The following GCDH variants were observed in gnomAD, a reference collection of about 807,000 sequenced individuals.
GCDH encodes glutaryl-CoA dehydrogenase, mitochondrial.
In GCDH, 31 loss-of-function variants were observed where a neutral mutation model predicts 52.8. The ratio of observed to expected loss-of-function variants is 0.59; its 90% CI spans 0.44 to 0.79. GCDH has a LOEUF of 0.79. GCDH is among the 30% of genes least tolerant of loss of function. GCDH has a pLI of 0.00. For synonymous variants in GCDH, 242 were observed against 250.0 expected, an observed-to-expected ratio of 0.97 and a Z score of 0.30; for missense variants, 509 against 595.0, an observed-to-expected ratio of 0.86 and a Z score of 1.50.
intron 9 of GCDH, 128 bp downstream of exon 9, chr19:12,897,141 C>T (rs765530549): frequency 9.1e-5 from 108 of 1,182,290 alleles, no homozygotes; most frequent in Non-Finnish European, 1.3e-4. Context: ...TGACCAGTGA[C>T]GTCCTTCTGA....
rs1187173640 is a variant in GCDH at position 12,896,578 on chromosome 19, C to G, written c.852+157C>G. Among the ~76,000 whole-genome samples, 1 of 152,200 alleles carries G rather than the reference C, an allele frequency of 6.6e-6. No individual in the cohort carries two copies. The highest frequency in any genetic ancestry group is 2.4e-5 in the African/African-American group (1 of 41,456). ...ACTCGCTGACGTGCTGAAAACTGCC[C>G]CCATTTGGTGACCGTCTCGCTCATC... is the stretch of plus-strand genomic sequence containing the variant. On this transcript the variant is annotated intron_variant, in intron 8 of 11. Coordinates refer to ENST00000222214, the MANE Select transcript of GCDH (RefSeq NM_000159.4). The surrounding 1 kb of genome is among the most constrained non-coding windows in gnomAD (Gnocchi z 5.5).
rs776941331 is a variant in GCDH at position 12,891,373 on chromosome 19, G to T, written c.69G>T (p.Trp23Cys). The T allele has an allele frequency of 1.2e-6, 2 of 1,614,032 alleles. No individual in the cohort carries two copies. Among genetic ancestry groups the T allele is most frequent in the Non-Finnish European group, 1.7e-6 (2 of 1,180,024 alleles). The part of the protein sequence containing the change: ...RGPGLHVLRT[W>C]VSSAAQTEKG... The stretch of plus-strand genomic sequence containing the variant: ...CCGGCCTGCACGTCCTTCGCACGTG[G>T]GTCTCGTCGGCGGCGCAGACCGGTC... The change falls in exon 2 of 12, where the codon TGG becomes TGT. Residue 23 changes from tryptophan to cysteine, a missense_variant. By Grantham distance (215) the Trp-to-Cys change is radical. Transcript: ENST00000222214.
At chr19:12,891,743 G>A in intron 3 of GCDH, 88 bp from the exon 4 acceptor site, 1 of 1,608,256 alleles carries the variant, frequency 6.2e-7, no homozygotes, top group South Asian at 1.1e-5. Flanking sequence ...GGGGCGACAT[G>A]GGTGTTGGGG....
chr19:12,895,995 A>AGG lies in GCDH; in HGVS notation c.513_514dup (p.Glu172GlyfsTer53). 5 of 1,613,992 alleles carry AGG rather than the reference A, an allele frequency of 3.1e-6. No individual in the cohort carries two copies. Among genetic ancestry groups the AGG allele is most frequent in the Non-Finnish European group, 4.2e-6 (5 of 1,180,012 alleles). On this transcript the variant is annotated frameshift_variant, in exon 7 of 12. Coordinates refer to ENST00000222214, the MANE Select transcript of GCDH (RefSeq NM_000159.4). LOFTEE classifies it high-confidence loss of function. ...TGACTTTGTCTTGTGCCTGCAGCCA[A>AGG]GGGGGAGCTCCTGGGCTGCTTCGGG...
chr19:12,896,537 A>T lies in GCDH; in HGVS notation c.852+116A>T, dbSNP rs1204456587. The T allele has an allele frequency of 1.2e-6, 1 of 834,518 alleles. No homozygotes were observed. Among genetic ancestry groups the T allele is most frequent in the African/African-American group, 1.7e-5 (1 of 59,698 alleles). The allele number at this position is 834,518 out of a possible 1,614,324, so 51.7% of individuals were successfully genotyped here. ...TGCCTGTGGAGCCCACACAGTGGTG[A>T]TTCTTACTCAGCCGGACTCGCTGAC... On this transcript the variant is annotated intron_variant, in intron 8 of 11. Transcript: ENST00000222214. The surrounding 1 kb of genome is among the most constrained non-coding windows in gnomAD (Gnocchi z 5.5).
chr19:12,892,671 C>G (rs1015176199), intron 5 of GCDH, among the ~76,000 whole-genome samples: 1 of 151,976 alleles, frequency 6.6e-6, no homozygotes, highest in African/African-American at 2.4e-5. Context: ...CAGCCTCCAC[C>G]TCCCGGGTTT....
chr19:12,891,288 G>C lies in GCDH; in HGVS notation c.-17G>C. The C allele has an allele frequency of 6.3e-7, 1 of 1,598,570 alleles. No homozygotes were observed. The highest frequency in any genetic ancestry group is 1.3e-5 in the African/African-American group (1 of 74,948). On this transcript the variant is annotated 5_prime_UTR_variant, in exon 2 of 12. Coordinates refer to ENST00000222214, the MANE Select transcript of GCDH (RefSeq NM_000159.4). ...TCCTGTAGGTCGCCGTCGTTGCTCC[G>C]CTCGCTCTGAGAGAGCATGGCCCTG...
At chr19:12,892,414 C>T (rs754655369) in intron 5 of GCDH, 2 of 591,120 alleles carry the variant, frequency 3.4e-6, no homozygotes, top group Non-Finnish European at 6.0e-6. Flanking sequence ...GCCTCCACCC[C>T]TCTAGTAGCT....
In GCDH at chr19:12,891,811, A is replaced by C; in HGVS notation, c.128-20A>C. On this transcript the variant is annotated intron_variant, in intron 3 of 11. Transcript: ENST00000222214. Reference sequence around the variant, plus strand: ...CACAGTGATCTTGCGGACTGGACCGAGGCGAATTCCCCTTCCCAGCCTCGC... The same window carrying C: ...CACAGTGATCTTGCGGACTGGACCGCGGCGAATTCCCCTTCCCAGCCTCGC... 1 of 1,613,236 alleles carries C rather than the reference A, an allele frequency of 6.2e-7. No homozygotes were observed. The highest frequency in any genetic ancestry group is 1.3e-5 in the African/African-American group (1 of 75,006).
rs1970793441 is a variant in GCDH, at chr19:12,899,795, G to GA, written c.*257dup. 1 of 1,588,372 alleles carries GA rather than the reference G, an allele frequency of 6.3e-7. No individual in the cohort carries two copies. The highest frequency in any genetic ancestry group is 1.1e-5 in the South Asian group (1 of 89,748). On this transcript the variant is annotated 3_prime_UTR_variant, in exon 12 of 12. Transcript: ENST00000222214. Reference sequence around the variant, plus strand: ...GATGAGAGCAGACTCCATTTACCCTGAAATAGCAGCTTCTCTTGAGAGGAG... The same window carrying GA: ...GATGAGAGCAGACTCCATTTACCCTGAAAATAGCAGCTTCTCTTGAGAGGAG...
chr19:12,898,121 A>C, intron 11 of GCDH: 1 of 518,762 alleles, frequency 1.9e-6, no homozygotes, highest in Non-Finnish European at 3.5e-6. Context: ...CATGCTCGGG[A>C]GGAGGGATGT....
intron 3 of GCDH, 109 bp from the exon 4 acceptor site, chr19:12,891,722 G>T (rs1787697900): frequency 1.2e-6 from 2 of 1,604,824 alleles, no homozygotes; most frequent in East Asian, 4.5e-5. Context: ...CTTGCAGCTC[G>T]CACTAGCCGG....
intron 1 of GCDH, 28 bp from the exon 2 acceptor site, chr19:12,891,243 C>T: frequency 2.1e-6 from 3 of 1,401,508 alleles, no homozygotes; most frequent in Non-Finnish European, 3.0e-6. Flanking sequence ...GTGAGAGGAG[C>T]TCCGCTCTGA....
intron 5 of GCDH, chr19:12,892,443 C>T (rs1328570157): frequency 1.8e-5 from 10 of 559,488 alleles, no homozygotes; most frequent in Non-Finnish European, 3.2e-5. Context: ...AGGTATGTGC[C>T]ACCATGCCTG....
At chr19:12,891,683 G>A in intron 3 of GCDH, 148 bp from the exon 4 acceptor site, 5 of 1,603,892 alleles carry the variant, frequency 3.1e-6, no homozygotes, top group Non-Finnish European at 4.2e-6. Context: ...TGCCTGCGGG[G>A]CCGGAGAAAA....
At chr19:12,899,214 G>A (rs553191132) in intron 11 of GCDH, 1 of 865,982 alleles carries the variant, frequency 1.2e-6, no homozygotes, top group Non-Finnish European at 1.9e-6. Flanking sequence ...GGAGCTTTGG[G>A]TTTTTGTTTT....
At chr19:12,898,186 A>G (rs1380026076) in intron 11 of GCDH, 2 of 414,170 alleles carry the variant, frequency 4.8e-6, no homozygotes, top group South Asian at 2.1e-5. Context: ...GACTCCTAGC[A>G]GGCTGGTGGA....
At chr19:12,897,192 TGGG>T in intron 9 of GCDH, 108 bp from the exon 10 acceptor site, 1 of 1,414,962 alleles carries the variant, frequency 7.1e-7, no homozygotes, top group Admixed American at 1.9e-5. Flanking sequence ...AGGGCAAGCT[TGGG>T]GGCACTGAGG....
At chr19:12,893,927 G>A (rs1970615505) in intron 6 of GCDH, 2 of 591,330 alleles carry the variant, frequency 3.4e-6, no homozygotes, top group African/African-American at 1.9e-5. Flanking sequence ...CTGGCCATTT[G>A]CAGTGGCTCA....
Sources: allele counts gnomAD v4.1 joint callset (sites outside exome capture counted in the v4.1 genomes callset), GRCh38; gene constraint gnomAD v4.1.1; non-coding constraint Gnocchi (gnomAD v3.1); transcripts MANE v1.5; gene names NCBI Gene and HGNC (gene_info 2026-07-23, HGNC 2026-07-21).